The following ADAMTS12 variants were observed in gnomAD, a reference collection of about 807,000 sequenced individuals.
ADAMTS12 encodes ADAM metallopeptidase with thrombospondin type 1 motif 12.
A neutral mutation model predicts 167.8 loss-of-function variants in ADAMTS12; 118 were observed. The ratio of observed to expected loss-of-function variants is 0.70; its 90% CI spans 0.61 to 0.82. ADAMTS12 has a LOEUF of 0.82. ADAMTS12 is among the 40% of genes least tolerant of loss of function. The probability of loss-of-function intolerance (pLI) is 0.00; values close to 1 mark genes in which losing one functional copy is unlikely to be tolerated. For missense variants in ADAMTS12, 1,916 were observed against 1,998.8 expected, an observed-to-expected ratio of 0.96 and a Z score of 0.79; for synonymous variants, 704 against 716.9, an observed-to-expected ratio of 0.98 and a Z score of 0.29.
In ADAMTS12 at chr5:33,549,325, C is replaced by T. The variant is rs147732973; in HGVS notation, c.4184G>A (p.Arg1395Gln). 1.1e-4 allele frequency: 173 copies of T among 1,614,204 alleles called. No individual in the cohort carries two copies. Among genetic ancestry groups the T allele is most frequent in the Admixed American group, 3.8e-4 (23 of 60,024 alleles). ...KIREIQCVDS[R>Q]DHRNLRPFHC... ...AAATGGCCTCAGGTTCCGGTGGTCC[C>T]GGCTGTCCACGCACTGAATCTCGCG... is the stretch of plus-strand genomic sequence containing the variant. Residue 1395 changes from arginine (R) to glutamine (Q), a missense_variant, in exon 21 of 24, where the codon CGG becomes CAG. Coordinates refer to ENST00000504830, the MANE Select transcript of ADAMTS12 (RefSeq NM_030955.4).
At chr5:33,818,528 T>C (rs1475278475) in intron 2 of ADAMTS12, among the ~76,000 whole-genome samples, 3 of 152,226 alleles carry the variant, frequency 2.0e-5, no homozygotes, top group East Asian at 3.9e-4. Context: ...TGAGTAATGC[T>C]GTAATTCACA....
At chr5:33,712,373 G>A (rs1021564394) in intron 3 of ADAMTS12, among the ~76,000 whole-genome samples, 5 of 152,090 alleles carry the variant, frequency 3.3e-5, no homozygotes, top group Admixed American at 6.6e-5. Flanking sequence ...ATGCTCTTTC[G>A]AGGTGGGTTT....
At chr5:33,722,610 T>C (rs1225475325) in intron 3 of ADAMTS12, among the ~76,000 whole-genome samples, 1 of 152,226 alleles carries the variant, frequency 6.6e-6, no homozygotes, top group Non-Finnish European at 1.5e-5. Flanking sequence ...AATGAGCTTG[T>C]TTCCTTTACG....
At chr5:33,795,162 C>T (rs1746727109) in intron 2 of ADAMTS12, among the ~76,000 whole-genome samples, 4 of 152,168 alleles carry the variant, frequency 2.6e-5, no homozygotes, top group Admixed American at 2.6e-4. Context: ...CATCACAGGA[C>T]CCATGGGCTG....
chr5:33,537,744 C>A (rs1209752069), intron 22 of ADAMTS12, among the ~76,000 whole-genome samples: 1 of 152,148 alleles, frequency 6.6e-6, no homozygotes, highest in Non-Finnish European at 1.5e-5. Context: ...CAATAGACTG[C>A]CAATTTGACA....
At chr5:33,662,093 A>ATCT in intron 5 of ADAMTS12, 53 bp from the exon 6 acceptor site, 1 of 1,590,644 alleles carries the variant, frequency 6.3e-7, no homozygotes, top group Non-Finnish European at 8.5e-7. Context: ...GTGGTCAGGG[A>ATCT]CCATTGCATT....
In ADAMTS12 at chr5:33,649,678, C is replaced by A; in HGVS notation, c.1210G>T (p.Gly404Trp). 1 of 1,613,846 alleles carries A rather than the reference C, an allele frequency of 6.2e-7. No individual in the cohort carries two copies. Among genetic ancestry groups the A allele is most frequent in the Non-Finnish European group, 8.5e-7 (1 of 1,179,806 alleles). The change falls in exon 8 of 24, where the codon GGG becomes TGG. Residue 404 changes from glycine (G) to tryptophan (W), a missense_variant. Coordinates refer to ENST00000504830, the MANE Select transcript of ADAMTS12 (RefSeq NM_030955.4). Reference sequence around the variant, plus strand: ...ACAGGCTCACAGTCATTTTCTTTCCCATCATGCTGGATGCCGAAGCTGGCA... The same window carrying A: ...ACAGGCTCACAGTCATTTTCTTTCCAATCATGCTGGATGCCGAAGCTGGCA... ...LGHSFGIQHDGKENDCEPVGR... is the reference protein window; with the variant it reads ...LGHSFGIQHDWKENDCEPVGR...
chr5:33,871,561 G>C (rs969561306), intron 2 of ADAMTS12, among the ~76,000 whole-genome samples: 12 of 151,752 alleles, frequency 7.9e-5, no homozygotes, highest in African/African-American at 2.9e-4. Context: ...TTTGAAAAAT[G>C]AGCCAATGCC....
intron 3 of ADAMTS12, among the ~76,000 whole-genome samples, chr5:33,699,792 A>G (rs1742936019): frequency 6.6e-6 from 1 of 152,200 alleles, no homozygotes; most frequent in Non-Finnish European, 1.5e-5. Flanking sequence ...ACCTATCGGG[A>G]GAAAATGTTT....
intron 16 of ADAMTS12, among the ~76,000 whole-genome samples, chr5:33,613,706 G>T (rs1277565503): frequency 6.6e-6 from 1 of 152,180 alleles, no homozygotes; most frequent in Non-Finnish European, 1.5e-5. Flanking sequence ...TCTTGTGGCA[G>T]AACTTATCCC....
chr5:33,607,476 T>G (rs1001511424), intron 16 of ADAMTS12, among the ~76,000 whole-genome samples: 1 of 152,232 alleles, frequency 6.6e-6, no homozygotes, highest in Non-Finnish European at 1.5e-5. Context: ...ATTGTATTCA[T>G]ACCTTGGCTA....
At chr5:33,559,262 G>T (rs1448511502) in intron 20 of ADAMTS12, among the ~76,000 whole-genome samples, 2 of 152,166 alleles carry the variant, frequency 1.3e-5, no homozygotes, top group East Asian at 3.8e-4. Flanking sequence ...TCCCTGGAGA[G>T]AAGACAGGGG....
intron 2 of ADAMTS12, among the ~76,000 whole-genome samples, chr5:33,863,096 G>A (rs1024966024): frequency 1.3e-5 from 2 of 152,094 alleles, no homozygotes; most frequent in African/African-American, 4.8e-5. Context: ...ATACTGAATG[G>A]GCAAAAGCTG....
chr5:33,686,922 A>AAT (rs369832766), intron 3 of ADAMTS12, among the ~76,000 whole-genome samples: 72,708 of 137,940 alleles, frequency 0.53, 20,405 homozygotes, highest in Non-Finnish European at 0.65. Context: ...ATAGGCACTG[A>AAT]ATATATATAT....
At chr5:33,715,393 C>T (rs1743568516) in intron 3 of ADAMTS12, among the ~76,000 whole-genome samples, 1 of 152,034 alleles carries the variant, frequency 6.6e-6, no homozygotes, top group Non-Finnish European at 1.5e-5. Context: ...AATTCATATG[C>T]AGTTGTGGGC....
intron 2 of ADAMTS12, among the ~76,000 whole-genome samples, chr5:33,798,886 A>G (rs1257133836): frequency 1.3e-5 from 2 of 152,178 alleles, no homozygotes; most frequent in Non-Finnish European, 2.9e-5. Context: ...GGGACAGTTC[A>G]GTCTATAACA....
chr5:33,707,554 A>G (rs1377236624), intron 3 of ADAMTS12, among the ~76,000 whole-genome samples: 2 of 152,246 alleles, frequency 1.3e-5, no homozygotes, highest in Non-Finnish European at 2.9e-5. Context: ...TTCAAACTAT[A>G]TTACAAGGCT....
At chr5:33,538,852 G>T (rs967738102) in intron 22 of ADAMTS12, among the ~76,000 whole-genome samples, 1 of 152,104 alleles carries the variant, frequency 6.6e-6, no homozygotes, top group Non-Finnish European at 1.5e-5. Context: ...TCCTAATAAA[G>T]TGTTAAATTT....
chr5:33,850,286 C>G (rs1749172980), intron 2 of ADAMTS12, among the ~76,000 whole-genome samples: 1 of 152,116 alleles, frequency 6.6e-6, no homozygotes, highest in African/African-American at 2.4e-5. Context: ...AATGACTCAG[C>G]AGAAAGTTTC....
Sources: gnomAD v4.1 joint callset for allele counts (sites outside exome capture counted in the v4.1 genomes callset) on GRCh38, gnomAD v4.1.1 for gene constraint, MANE v1.5 for transcripts, NCBI Gene and HGNC (gene_info 2026-07-23, HGNC 2026-07-21) for gene names.